The following MED13 variants were observed in gnomAD, a reference collection of about 807,000 sequenced individuals.
MED13 encodes the protein mediator complex subunit 13.
MED13 carries 23 observed loss-of-function variants against 225.2 expected under a neutral mutation model. The observed-to-expected ratio is 0.10, with a 90% CI of 0.07 to 0.14. The LOEUF is 0.14. Among genes scored for constraint, MED13 ranks in the 10% least tolerant of loss-of-function variants. The pLI is 1.00. For missense variants in MED13, 2,197 were observed against 2,594.5 expected (o/e 0.85, Z 3.33); for synonymous variants, 942 against 889.2 (o/e 1.06, Z -1.06).
At chr17:62,044,813 C>T (rs1158885743) in intron 3 of MED13, among the ~76,000 whole-genome samples, 1 of 152,156 alleles carries the variant, frequency 6.6e-6, no homozygotes, top group Non-Finnish European at 1.5e-5. Flanking sequence ...AGGCACATGC[C>T]ACCATACCTG....
intron 12 of MED13, among the ~76,000 whole-genome samples, chr17:61,985,628 AC>A (rs2080241016): frequency 6.6e-6 from 1 of 152,168 alleles, no homozygotes; most frequent in South Asian, 2.1e-4. Context: ...CCAGGACTGC[AC>A]CACTGCACTC....
chr17:61,986,951 A>T, intron 12 of MED13, 56 bp downstream of exon 12: 4 of 1,257,708 alleles, frequency 3.2e-6, no homozygotes, highest in Non-Finnish European at 3.2e-6. Flanking sequence ...AAAAATAAAA[A>T]AATAATAAAA....
chr17:62,059,822 A>C (rs571847753), intron 2 of MED13, among the ~76,000 whole-genome samples: 11 of 152,356 alleles, frequency 7.2e-5, no homozygotes, highest in African/African-American at 2.2e-4. Flanking sequence ...AAGTAACAAC[A>C]TTCTTAAGTA....
At chr17:61,990,683 CCATA>C (rs2080290282) in intron 11 of MED13, among the ~76,000 whole-genome samples, 6 of 146,204 alleles carry the variant, frequency 4.1e-5, no homozygotes, top group African/African-American at 1.6e-4. Context: ...ATGTTGTATA[CCATA>C]AATATATATA....
At chr17:62,015,911 T>C (rs1376792112) in intron 8 of MED13, among the ~76,000 whole-genome samples, 5 of 33,806 alleles carry the variant, frequency 1.5e-4, no homozygotes, top group Admixed American at 5.0e-4. Flanking sequence ...ATACACACTA[T>C]ACACATATAT....
rs189485061 is a variant in MED13, at chr17:62,047,188, T to C, written c.470+5349A>G. 1.7e-3 allele frequency among the ~76,000 whole-genome samples: 265 copies of C among 152,122 alleles called. No homozygotes were observed. The Middle Eastern group carries it at 0.031, about 18-fold the overall frequency. On this transcript the variant is annotated intron_variant, in intron 3 of 29. Transcript: ENST00000397786. ...GAGTTCGAGACCAGTCTGGCTAACATGGTGAAACCCCGTCTCTACTAAAAA... is the reference window on the plus strand; with the variant it reads ...GAGTTCGAGACCAGTCTGGCTAACACGGTGAAACCCCGTCTCTACTAAAAA...
At chr17:62,063,913 ATGTC>A (rs2081061285) in intron 1 of MED13, among the ~76,000 whole-genome samples, 1 of 152,240 alleles carries the variant, frequency 6.6e-6, no homozygotes, top group Non-Finnish European at 1.5e-5. Context: ...AACCTGGTGT[ATGTC>A]TTATTACATG....
chr17:61,970,695 A>G (rs1346520596), intron 17 of MED13, among the ~76,000 whole-genome samples: 1 of 148,078 alleles, frequency 6.8e-6, no homozygotes, highest in African/African-American at 2.5e-5. Context: ...AAAAAAAAAA[A>G]AAAAAAAAGG....
At chr17:61,946,692 C>A in intron 29 of MED13, 92 bp from the exon 30 acceptor site, 2 of 1,476,710 alleles carry the variant, frequency 1.4e-6, no homozygotes, top group South Asian at 2.4e-5. Flanking sequence ...GACTCAAAGT[C>A]ACCTTAAAAA....
intron 3 of MED13, among the ~76,000 whole-genome samples, chr17:62,039,842 G>A (rs1429382499): frequency 1.3e-5 from 2 of 151,984 alleles, no homozygotes; most frequent in East Asian, 3.9e-4. Flanking sequence ...CAGGTGATCC[G>A]CCCACCTTGG....
At chr17:62,014,636 C>G (rs1259508720) in intron 8 of MED13, among the ~76,000 whole-genome samples, 1 of 152,040 alleles carries the variant, frequency 6.6e-6, no homozygotes, top group Non-Finnish European at 1.5e-5. Flanking sequence ...CTCTTGAGTA[C>G]TTGAATTGTG....
At chr17:61,979,552 G>A (rs1182150333) in intron 16 of MED13, among the ~76,000 whole-genome samples, 1 of 151,818 alleles carries the variant, frequency 6.6e-6, no homozygotes, top group East Asian at 1.9e-4. Context: ...CAAATGATCT[G>A]CCTGCCTCAG....
chr17:62,027,843 T>G (rs1050567779), intron 8 of MED13, among the ~76,000 whole-genome samples: 3 of 152,182 alleles, frequency 2.0e-5, no homozygotes, highest in South Asian at 4.1e-4. Context: ...ATTAGAGAAA[T>G]GCAAATCAAA....
intron 3 of MED13, among the ~76,000 whole-genome samples, 155 bp downstream of exon 3, chr17:62,052,382 T>TA (rs201715960): frequency 0.04 from 5,725 of 141,814 alleles, 112 homozygotes; most frequent in African/African-American, 0.055. Context: ...TAAAGTGGTT[T>TA]AAAAAAAAAA....
chr17:62,008,006 GA>G (rs1267705466), intron 9 of MED13, among the ~76,000 whole-genome samples: 1 of 102,394 alleles, frequency 9.8e-6, no homozygotes, highest in Non-Finnish European at 1.8e-5. Flanking sequence ...AGGAAAGAGC[GA>G]GACTGTCTCA....
At chr17:61,972,422 AT>A (rs967095146) in intron 17 of MED13, among the ~76,000 whole-genome samples, 2 of 151,490 alleles carry the variant, frequency 1.3e-5, no homozygotes, top group East Asian at 1.9e-4. Context: ...TAACAAAAGT[AT>A]TTTTTTTGCC....
In MED13 at chr17:61,992,544, C is replaced by T. The variant is rs200533830; in HGVS notation, c.2259G>A (p.Lys753=). Residue 753 remains lysine (K), a synonymous_variant, in exon 11 of 30, where the codon AAG becomes AAA. Coordinates refer to ENST00000397786, the MANE Select transcript of MED13 (RefSeq NM_005121.3). ...ATTAGGAAATAAAGATTTTACCTTG[C>T]TTGATAGAGGGACTAAATAATGACA... is the stretch of plus-strand genomic sequence containing the variant. ...DAMSLFSPSI[K]QDAPRPTSHA... 27 of 1,601,056 alleles carry T rather than the reference C, an allele frequency of 1.7e-5. 1 individual carries two copies. The Admixed American group carries it at 3.7e-4, about 22-fold the overall frequency.
rs2079831584 is a variant in MED13 at position 61,943,722 on chromosome 17, G to A, written c.*2746C>T. The A allele has an allele frequency of 6.6e-6, 1 of 152,562 alleles. No homozygotes were observed. The highest frequency in any genetic ancestry group is 1.5e-5 in the Non-Finnish European group (1 of 67,990). The allele number at this position is 152,562 out of a possible 1,614,324, so 9.5% of individuals were successfully genotyped here. ...TAATTCACAGTCCTGATAACTCAAT[G>A]GCTTGCATAAGAAAGGTATGGCTAG... On this transcript the variant is annotated 3_prime_UTR_variant, in exon 30 of 30. Coordinates refer to ENST00000397786, the MANE Select transcript of MED13 (RefSeq NM_005121.3).
At chr17:62,011,565 A>G (rs185134709) in intron 8 of MED13, among the ~76,000 whole-genome samples, 1 of 152,230 alleles carries the variant, frequency 6.6e-6, no homozygotes. Context: ...GTTAAAAGGT[A>G]TAACAAGGCT....
Sources: allele counts gnomAD v4.1 joint callset (sites outside exome capture counted in the v4.1 genomes callset), GRCh38; gene constraint gnomAD v4.1.1; transcripts MANE v1.5; gene names NCBI Gene and HGNC (gene_info 2026-07-23, HGNC 2026-07-21).